Variants in DSCAM observed in about 807,000 individuals in gnomAD.
The protein encoded by DSCAM is cell adhesion molecule DSCAM.
A neutral mutation model predicts 217.7 loss-of-function variants in DSCAM; 47 were observed. The observed-to-expected ratio is 0.22, with a 90% CI of 0.17 to 0.28. The LOEUF is 0.28. Among genes scored for constraint, DSCAM ranks in the 10% least tolerant of loss-of-function variants. The pLI is 1.00. For missense variants in DSCAM, 2,080 were observed against 2,618.3 expected (o/e 0.79, Z 4.49); for synonymous variants, 1,056 against 1,015.3 (o/e 1.04, Z -0.76).
At chr21:40,617,488 C>A (rs527528171) in intron 3 of DSCAM, among the ~76,000 whole-genome samples, 2 of 152,158 alleles carry the variant, frequency 1.3e-5, no homozygotes, top group South Asian at 4.1e-4. Context: ...CAATCTACCC[C>A]CTCCCAGCTC....
intron 3 of DSCAM, among the ~76,000 whole-genome samples, chr21:40,511,471 T>G (rs1001599388): frequency 1.3e-5 from 2 of 152,222 alleles, no homozygotes; most frequent in African/African-American, 4.8e-5. Flanking sequence ...ATATTCAAAA[T>G]GAATGTGATT....
At position 40,311,933 on chromosome 21, in the gene DSCAM, A is replaced by ATT. The variant is rs34579385; in HGVS notation, c.2062+146_2062+147dup. ...AATTCATGGTTGGGTTTAGAGTCGT[A>ATT]TTTTTTTTTTTTTTTTTTTTTTTTT... On this transcript the variant is annotated intron_variant, in intron 9 of 32. Transcript: ENST00000400454. The ATT allele has an allele frequency of 2.2e-4, 45 of 202,470 alleles. 2 individuals carry two copies. The highest frequency in any genetic ancestry group is 2.0e-3 in the Middle Eastern group (1 of 508). The allele number at this position is 202,470 out of a possible 1,614,324, so 12.5% of individuals were successfully genotyped here. A position where few individuals can be genotyped will look rare whatever the true frequency, so the allele number is the denominator to read the frequency against.
intron 3 of DSCAM, among the ~76,000 whole-genome samples, chr21:40,440,331 T>C (rs1182829354): frequency 2.0e-5 from 3 of 152,188 alleles, no homozygotes; most frequent in Non-Finnish European, 4.4e-5. Flanking sequence ...CAACACAGCC[T>C]CAGGGCTACC....
At chr21:40,786,566 G>A (rs545298302) in intron 1 of DSCAM, among the ~76,000 whole-genome samples, 10 of 152,208 alleles carry the variant, frequency 6.6e-5, no homozygotes, top group Admixed American at 2.0e-4. Context: ...GAGAAGTAGT[G>A]CACTTAGATG....
chr21:40,523,503 C>T (rs759544776), intron 3 of DSCAM, among the ~76,000 whole-genome samples: 10 of 151,862 alleles, frequency 6.6e-5, no homozygotes, highest in East Asian at 1.9e-4. Context: ...CGCAGAGTTT[C>T]GGGGAGGCAG....
At chr21:40,157,744 G>C (rs1313704214) in intron 16 of DSCAM, among the ~76,000 whole-genome samples, 2 of 151,428 alleles carry the variant, frequency 1.3e-5, no homozygotes, top group African/African-American at 4.9e-5. Context: ...ACCCAGGCTG[G>C]AGTGCATTGA....
chr21:40,327,417 T>C (rs1367988722), intron 8 of DSCAM, among the ~76,000 whole-genome samples: 3 of 152,216 alleles, frequency 2.0e-5, no homozygotes, highest in Admixed American at 2.0e-4. Context: ...CTTTACTGAA[T>C]TGGTTTATTA....
intron 32 of DSCAM, among the ~76,000 whole-genome samples, chr21:40,022,160 A>G (rs1468956588): frequency 6.6e-6 from 1 of 152,196 alleles, no homozygotes; most frequent in African/African-American, 2.4e-5. Flanking sequence ...CTAGGGGAAA[A>G]TATCTGAACA....
intron 20 of DSCAM, among the ~76,000 whole-genome samples, chr21:40,121,263 C>T (rs1310240054): frequency 6.6e-6 from 1 of 152,122 alleles, no homozygotes; most frequent in Non-Finnish European, 1.5e-5. Context: ...ACCCTCTTTC[C>T]TGTACTTTAA....
rs745399334 is a variant in DSCAM at position 40,708,778 on chromosome 21, G to A, written c.44-7C>T. 4.6e-6 allele frequency: 7 copies of A among 1,532,810 alleles called. No individual in the cohort carries two copies. The highest frequency in any genetic ancestry group is 6.2e-6 in the Non-Finnish European group (7 of 1,134,348). 95.0% of individuals were successfully genotyped at this position (1,532,810 alleles called of 1,614,324 possible). Reference sequence around the variant, plus strand: ...TGTAGGTCTTCACTGAAAACTGCAAGAAGACAACACAGGGATCCATAGGTG... The same window carrying A: ...TGTAGGTCTTCACTGAAAACTGCAAAAAGACAACACAGGGATCCATAGGTG... On this transcript the variant is annotated splice_polypyrimidine_tract_variant and splice_region_variant and intron_variant, in intron 1 of 32. Coordinates refer to ENST00000400454, the MANE Select transcript of DSCAM (RefSeq NM_001389.5).
chr21:40,157,942 A>G (rs929613586), intron 16 of DSCAM, among the ~76,000 whole-genome samples: 4 of 152,034 alleles, frequency 2.6e-5, no homozygotes, highest in Non-Finnish European at 4.4e-5. Flanking sequence ...AATCCTCCCA[A>G]TTCAGCCTTT....
At chr21:40,085,483 T>C (rs2089519841) in intron 23 of DSCAM, 119 bp downstream of exon 23, 2 of 898,892 alleles carry the variant, frequency 2.2e-6, no homozygotes, top group South Asian at 4.0e-5. Context: ...TTTTCTGTAA[T>C]ATGGAAACAG....
intron 3 of DSCAM, among the ~76,000 whole-genome samples, chr21:40,625,934 T>C (rs2089595231): frequency 6.6e-6 from 1 of 152,208 alleles, no homozygotes; most frequent in African/African-American, 2.4e-5. Context: ...AGGCTCTTTT[T>C]GAAATTAAGT....
chr21:40,285,603 A>G (rs573603793), intron 10 of DSCAM, among the ~76,000 whole-genome samples: 1 of 152,276 alleles, frequency 6.6e-6, no homozygotes, highest in East Asian at 1.9e-4. Flanking sequence ...ATAAAACAAT[A>G]TATGGAACAC....
intron 3 of DSCAM, among the ~76,000 whole-genome samples, chr21:40,692,082 C>T (rs986268343): frequency 6.6e-6 from 1 of 152,208 alleles, no homozygotes; most frequent in South Asian, 2.1e-4. Flanking sequence ...ATGCTCCTCA[C>T]AATTCTTTTC....
intron 11 of DSCAM, among the ~76,000 whole-genome samples, chr21:40,233,497 TAC>T (rs201126433): frequency 6.6e-6 from 1 of 152,078 alleles, no homozygotes; most frequent in Admixed American, 6.5e-5. Context: ...TTATGTATGA[TAC>T]ACACACACAC....
intron 3 of DSCAM, among the ~76,000 whole-genome samples, chr21:40,466,604 T>G (rs1319584927): frequency 7.7e-6 from 1 of 130,334 alleles, no homozygotes; most frequent in African/African-American, 3.7e-5. Flanking sequence ...TTTTGTTTTG[T>G]TTTTTCAGCT....
chr21:40,276,358 G>A (rs1013703103), intron 10 of DSCAM, 88 bp from the exon 11 acceptor site: 3 of 1,263,602 alleles, frequency 2.4e-6, no homozygotes, highest in African/African-American at 3.0e-5. Flanking sequence ...GACTCATAAA[G>A]AGATGCTTCA....
intron 18 of DSCAM, among the ~76,000 whole-genome samples, chr21:40,135,841 A>G (rs1310659708): frequency 6.6e-6 from 1 of 152,258 alleles, no homozygotes; most frequent in East Asian, 1.9e-4. Context: ...ACAGCATTAA[A>G]GGAGCATGGC....
Sources: allele counts gnomAD v4.1 joint callset (sites outside exome capture counted in the v4.1 genomes callset), GRCh38; gene constraint gnomAD v4.1.1; transcripts MANE v1.5; gene names NCBI Gene and HGNC (gene_info 2026-07-23, HGNC 2026-07-21).